Variants in PDE4C observed in about 807,000 individuals in gnomAD.
The protein encoded by PDE4C is 3',5'-cyclic-AMP phosphodiesterase 4C.
Under a neutral mutation model 63.9 loss-of-function variants are expected in PDE4C, and 50 were observed. That is an observed-to-expected ratio of 0.78 (90% CI 0.62 to 0.99). The LOEUF is 0.99. Ranked by LOEUF, PDE4C falls within the 50% of genes least tolerant of loss-of-function variation. PDE4C has a pLI of 0.00. For missense variants in PDE4C, 777 were observed against 899.1 expected, an observed-to-expected ratio of 0.86 and a Z score of 1.74; for synonymous variants, 377 against 385.1, an observed-to-expected ratio of 0.98 and a Z score of 0.25.
chr19:18,233,996 T>G (rs1968904768), upstream of PDE4C, among the ~76,000 whole-genome samples: 1 of 152,126 alleles, frequency 6.6e-6, no homozygotes, highest in African/African-American at 2.4e-5. Context: ...GGCAGGGATA[T>G]GAGAAGGACA....
At chr19:18,232,640 A>G (rs1968873079) in intron 1 of PDE4C, among the ~76,000 whole-genome samples, 1 of 152,026 alleles carries the variant, frequency 6.6e-6, no homozygotes, top group Admixed American at 6.5e-5. Flanking sequence ...ATACCCAAGC[A>G]TGAACGTACA....
At chr19:18,218,377 ACGT>A in exon 10 of PDE4C, 1 of 1,614,252 alleles carries the variant, frequency 6.2e-7, no homozygotes, top group Non-Finnish European at 8.5e-7. Context: ...GGACTGGGCC[ACGT>A]CGGCGGCATG....
chr19:18,247,434 C>G (rs1190517579), intron 1 of PDE4C, among the ~76,000 whole-genome samples: 1 of 152,188 alleles, frequency 6.6e-6, no homozygotes, highest in Admixed American at 6.5e-5. Flanking sequence ...AGCTGGACTA[C>G]AGGCATGAGC....
intron 1 of PDE4C, among the ~76,000 whole-genome samples, chr19:18,245,143 GTTTT>G (rs768170822): frequency 7.8e-6 from 1 of 127,874 alleles, no homozygotes; most frequent in Non-Finnish European, 1.6e-5. Context: ...CCTGTTGTTG[GTTTT>G]TTGTTTGTTT....
downstream of PDE4C, chr19:18,208,488 G>A (rs1378933092): frequency 8.3e-5 from 2 of 24,160 alleles, no homozygotes; most frequent in Admixed American, 5.6e-4. Context: ...CCCAACCCCC[G>A]ACAAGCGCGC....
At chr19:18,241,021 C>A (rs1431157539) in intron 1 of PDE4C, among the ~76,000 whole-genome samples, 1 of 152,048 alleles carries the variant, frequency 6.6e-6, no homozygotes, top group Non-Finnish European at 1.5e-5. Context: ...CTGTTCCCCG[C>A]ATTTGAGCAC....
chr19:18,213,258 T>A, intron 13 of PDE4C, 110 bp downstream of exon 13: 4 of 1,001,974 alleles, frequency 4.0e-6, no homozygotes, highest in Non-Finnish European at 5.4e-6. Context: ...CACTCCAGCC[T>A]GGGCGACAGA....
intron 12 of PDE4C, 99 bp downstream of exon 12, chr19:18,216,642 G>T: frequency 1.6e-6 from 2 of 1,230,190 alleles, no homozygotes; most frequent in Non-Finnish European, 1.1e-6. Flanking sequence ...TGGATGAACC[G>T]CCGGCCATGC....
At chr19:18,251,680 CCCCCCCG>C (rs1969230975), upstream of PDE4C, among the ~76,000 whole-genome samples, 1 of 82,226 alleles carries the variant, frequency 1.2e-5, no homozygotes, top group African/African-American at 5.3e-5. Context: ...TGATACACGC[CCCCCCCG>C]CCCCCGCCCC....
At chr19:18,223,598 C>T (rs890383338) in intron 1 of PDE4C, among the ~76,000 whole-genome samples, 8 of 152,230 alleles carry the variant, frequency 5.3e-5, no homozygotes, top group African/African-American at 1.9e-4. Flanking sequence ...CCCGCCTCGG[C>T]CTACCAAAGT....
At chr19:18,209,914 G>C (rs1409595633), downstream of PDE4C, 1 of 151,418 alleles carries the variant, frequency 6.6e-6, no homozygotes, top group Admixed American at 6.6e-5. Context: ...GGCTGGTCTC[G>C]AACTCCTAAC....
intron 8 of PDE4C, 70 bp downstream of exon 8, chr19:18,219,164 G>A: frequency 6.2e-7 from 1 of 1,606,518 alleles, no homozygotes; most frequent in Non-Finnish European, 8.5e-7. Context: ...GGGCAAACAG[G>A]CCCGAGATAG....
At chr19:18,248,037 T>C (rs1969161112) in intron 1 of PDE4C, 2 of 376,366 alleles carry the variant, frequency 5.3e-6, no homozygotes, top group African/African-American at 2.1e-5. Flanking sequence ...CCCAGACACA[T>C]GGGAGACCCA....
upstream of PDE4C, among the ~76,000 whole-genome samples, chr19:18,251,445 A>G (rs180767196): frequency 1.4e-5 from 2 of 146,354 alleles, no homozygotes; most frequent in Non-Finnish European, 3.0e-5. Context: ...TTATTTATTT[A>G]TTTATTTGAG....
chr19:18,220,240 G>A lies in PDE4C; in HGVS notation c.692C>T (p.Ser231Phe), dbSNP rs1295930514. The A allele has an allele frequency of 1.9e-6, 3 of 1,613,884 alleles. No individual in the cohort carries two copies. Among genetic ancestry groups the A allele is most frequent in the East Asian group, 2.2e-5 (1 of 44,880 alleles). ...ACAAAGCTCACCCAGGAAGGTCCGGGAGATGTACTCGGACACCTGGTTCCC... is the reference window on the plus strand; with the variant it reads ...ACAAAGCTCACCCAGGAAGGTCCGGAAGATGTACTCGGACACCTGGTTCCC... The change falls in exon 7 of 15, where the codon TCC becomes TTC. Residue 231 changes from serine to phenylalanine, a missense_variant. By Grantham distance (155) the Ser-to-Phe change is radical (BLOSUM62 -2). Transcript: ENST00000262805. This position sits in a 1 kb window ranked among gnomAD's most constrained non-coding sequence, Gnocchi z 5.1.
intron 4 of PDE4C, 85 bp from the exon 5 acceptor site, chr19:18,221,008 C>G (rs1006454339): frequency 2.0e-6 from 3 of 1,518,366 alleles, no homozygotes; most frequent in Non-Finnish European, 2.7e-6. Context: ...TCAAACCCAC[C>G]TGGAGGCGCC....
exon 13 of PDE4C, chr19:18,213,408 A>G: frequency 6.2e-7 from 1 of 1,613,934 alleles, no homozygotes; most frequent in Non-Finnish European, 8.5e-7. Flanking sequence ...GAGGACACCG[A>G]GGCTTGTCAC....
chr19:18,230,614 C>G (rs1968828452), upstream of PDE4C, among the ~76,000 whole-genome samples: 1 of 152,208 alleles, frequency 6.6e-6, no homozygotes, highest in Non-Finnish European at 1.5e-5. Flanking sequence ...CCTCTTGAGT[C>G]TGAGGCTTTG....
chr19:18,252,830 C>A (rs1311876672), upstream of PDE4C, among the ~76,000 whole-genome samples: 3 of 152,210 alleles, frequency 2.0e-5, no homozygotes, highest in African/African-American at 7.2e-5. Flanking sequence ...TTGTCTCGAA[C>A]TTCTGACCTC....
Sources: allele counts gnomAD v4.1 joint callset (sites outside exome capture counted in the v4.1 genomes callset), GRCh38; gene constraint gnomAD v4.1.1; non-coding constraint Gnocchi (gnomAD v3.1); transcripts MANE v1.5; gene names NCBI Gene and HGNC (gene_info 2026-07-23, HGNC 2026-07-21).